Variants in NCOA1 observed in about 807,000 individuals in gnomAD.
The protein encoded by NCOA1 is nuclear receptor coactivator 1.
In NCOA1, 35 loss-of-function variants were observed where a neutral mutation model predicts 150.9. The ratio of observed to expected loss-of-function variants is 0.23; its 90% CI spans 0.18 to 0.31. NCOA1 has a LOEUF of 0.31. Among genes scored for constraint, NCOA1 ranks in the 10% least tolerant of loss-of-function variants. The pLI is 1.00. For synonymous variants in NCOA1, 590 were observed against 630.0 expected (o/e 0.94, Z 0.95); for missense variants, 1,491 against 1,749.3 (o/e 0.85, Z 2.63).
intron 3 of NCOA1, among the ~76,000 whole-genome samples, chr2:24,614,572 T>C (rs1668791509): frequency 6.6e-6 from 1 of 152,022 alleles, no homozygotes; most frequent in Non-Finnish European, 1.5e-5. Context: ...AGAAATGTTT[T>C]AAGATCTCTA....
At chr2:24,561,093 G>A (rs1666275684) in intron 1 of NCOA1, among the ~76,000 whole-genome samples, 1 of 152,166 alleles carries the variant, frequency 6.6e-6, no homozygotes, top group South Asian at 2.1e-4. Flanking sequence ...ACATACTGCT[G>A]AATAAAAAGT....
intron 3 of NCOA1, among the ~76,000 whole-genome samples, chr2:24,618,563 A>G (rs1668976334): frequency 6.6e-6 from 1 of 152,068 alleles, no homozygotes; most frequent in Non-Finnish European, 1.5e-5. Context: ...CAGAGCATGG[A>G]TAGTTATGCA....
At chr2:24,690,365 G>A (rs565210674) in intron 8 of NCOA1, among the ~76,000 whole-genome samples, 57 of 152,062 alleles carry the variant, frequency 3.7e-4, no homozygotes, top group African/African-American at 1.3e-3. Context: ...CAGTAAAAAA[G>A]CAGCCTTGGC....
rs773820052 is a variant in NCOA1 at position 24,691,590 on chromosome 2, T to C, written c.642T>C (p.Ala214=). ...AGCCAGGGACCGAGAACCAAGAAGCTTGCCAGCGTTATGAAGTAATGCAGT... is the reference window on the plus strand; with the variant it reads ...AGCCAGGGACCGAGAACCAAGAAGCCTGCCAGCGTTATGAAGTAATGCAGT... ...PDEPGTENQE[A]CQRYEVMQCF... The change falls in exon 9 of 23, where the codon GCT becomes GCC. Residue 214 remains alanine, a synonymous_variant. Coordinates refer to ENST00000348332, the MANE Select transcript of NCOA1 (RefSeq NM_003743.5). 4 of 1,614,152 alleles carry C rather than the reference T, an allele frequency of 2.5e-6. No individual in the cohort carries two copies. The East Asian group carries it at 6.7e-5, about 27-fold the overall frequency.
At chr2:24,581,842 A>G (rs1321518389) in intron 2 of NCOA1, among the ~76,000 whole-genome samples, 2 of 152,340 alleles carry the variant, frequency 1.3e-5, no homozygotes, top group Non-Finnish European at 2.9e-5. Context: ...TATCAACAGA[A>G]TGAAGTACAA....
In NCOA1 at chr2:24,519,485, A is replaced by G. The variant is rs564661091; in HGVS notation, c.-396+27883A>G. ...ATACCAAAAATCATTGAGTTGTACAAGTTTTTGTATGGTATATGACTTATC... is the reference window on the plus strand; with the variant it reads ...ATACCAAAAATCATTGAGTTGTACAGGTTTTTGTATGGTATATGACTTATC... On this transcript the variant is annotated intron_variant, in intron 1 of 22. Coordinates refer to ENST00000348332, the MANE Select transcript of NCOA1 (RefSeq NM_003743.5). Among the ~76,000 whole-genome samples, 5 of 152,058 alleles carry G rather than the reference A, an allele frequency of 3.3e-5. No homozygotes were observed. The East Asian group carries it at 9.7e-4, about 29-fold the overall frequency.
chr2:24,755,757 A>T (rs1487191628), intron 20 of NCOA1, among the ~76,000 whole-genome samples: 1 of 152,186 alleles, frequency 6.6e-6, no homozygotes, highest in Non-Finnish European at 1.5e-5. Context: ...AAACTAATAT[A>T]CAGTCCCAAA....
chr2:24,534,766 A>G (rs552239017), intron 1 of NCOA1, among the ~76,000 whole-genome samples: 1 of 152,288 alleles, frequency 6.6e-6, no homozygotes, highest in South Asian at 2.1e-4. Context: ...GTTTTGAATG[A>G]GTTTCTTAAT....
chr2:24,679,762 A>T (rs186746586), intron 7 of NCOA1, among the ~76,000 whole-genome samples: 11 of 152,296 alleles, frequency 7.2e-5, no homozygotes, highest in East Asian at 3.9e-4. Flanking sequence ...AAAATATTTT[A>T]AAAAAGAGTT....
chr2:24,704,270 A>C (rs1673302498), intron 11 of NCOA1, among the ~76,000 whole-genome samples: 1 of 152,224 alleles, frequency 6.6e-6, no homozygotes, highest in Admixed American at 6.5e-5. Context: ...GTTAAATTTG[A>C]ATATTAGTTA....
At chr2:24,570,686 A>C (rs1457753863) in intron 2 of NCOA1, among the ~76,000 whole-genome samples, 1 of 152,240 alleles carries the variant, frequency 6.6e-6, no homozygotes, top group African/African-American at 2.4e-5. Context: ...CTGCCCATGA[A>C]GTATTCTTGC....
chr2:24,758,884 A>G (rs1233806696), intron 21 of NCOA1, among the ~76,000 whole-genome samples: 1 of 151,964 alleles, frequency 6.6e-6, no homozygotes, highest in East Asian at 1.9e-4. Context: ...GCTCCTTGGG[A>G]GGCTGAGGCA....
At chr2:24,568,669 T>C (rs1386184851) in intron 2 of NCOA1, among the ~76,000 whole-genome samples, 1 of 152,262 alleles carries the variant, frequency 6.6e-6, no homozygotes, top group Non-Finnish European at 1.5e-5. Flanking sequence ...AAAGCAGGTC[T>C]ACTCACTACT....
intron 14 of NCOA1, among the ~76,000 whole-genome samples, chr2:24,720,423 G>A (rs1356100591): frequency 6.6e-6 from 1 of 152,214 alleles, no homozygotes; most frequent in Non-Finnish European, 1.5e-5. Context: ...TCTGTATTGA[G>A]GCAAACAGCT....
At chr2:24,586,323 C>T (rs941392417) in intron 3 of NCOA1, among the ~76,000 whole-genome samples, 3 of 150,356 alleles carry the variant, frequency 2.0e-5, no homozygotes, top group Non-Finnish European at 4.4e-5. Flanking sequence ...CGGTGATGTG[C>T]GCCTGTGGTC....
intron 2 of NCOA1, among the ~76,000 whole-genome samples, chr2:24,582,423 C>G (rs1398693562): frequency 6.6e-6 from 1 of 151,966 alleles, no homozygotes; most frequent in Non-Finnish European, 1.5e-5. Flanking sequence ...ACAATAAAAA[C>G]TACAAAACAC....
chr2:24,505,226 G>A (rs571500569), intron 1 of NCOA1, among the ~76,000 whole-genome samples: 1 of 141,430 alleles, frequency 7.1e-6, no homozygotes, highest in African/African-American at 2.6e-5. Flanking sequence ...TGCCCTTGTT[G>A]CTGAGGCTGG....
At chr2:24,522,894 CTT>C (rs1293813548) in intron 1 of NCOA1, among the ~76,000 whole-genome samples, 1 of 152,094 alleles carries the variant, frequency 6.6e-6, no homozygotes, top group Non-Finnish European at 1.5e-5. Context: ...TACTCATACT[CTT>C]AGGAGAAGGG....
chr2:24,617,811 A>G (rs907482065), intron 3 of NCOA1, among the ~76,000 whole-genome samples: 1 of 152,188 alleles, frequency 6.6e-6, no homozygotes, highest in Non-Finnish European at 1.5e-5. Flanking sequence ...TTAATACCAA[A>G]AAACAAAAAA....
Sources: gnomAD v4.1 joint callset for allele counts (sites outside exome capture counted in the v4.1 genomes callset) on GRCh38, gnomAD v4.1.1 for gene constraint, MANE v1.5 for transcripts, NCBI Gene and HGNC (gene_info 2026-07-23, HGNC 2026-07-21) for gene names.